The following DLG5 variants were observed in gnomAD, a reference collection of about 807,000 sequenced individuals.
DLG5 encodes disks large homolog 5.
Under a neutral mutation model 189.8 loss-of-function variants are expected in DLG5, and 48 were observed. That is an observed-to-expected ratio of 0.25 (90% CI 0.20 to 0.32). The LOEUF (loss-of-function observed/expected upper bound fraction) is 0.32, where lower values mean the gene tolerates loss of function less well. Among genes scored for constraint, DLG5 ranks in the 10% least tolerant of loss-of-function variants. The probability of loss-of-function intolerance (pLI) is 1.00; values close to 1 mark genes in which losing one functional copy is unlikely to be tolerated. For synonymous variants in DLG5, 1,016 were observed against 1,054.1 expected (o/e 0.96, Z 0.70); for missense variants, 2,160 against 2,544.7 (o/e 0.85, Z 3.25).
intron 31 of DLG5, 121 bp from the exon 32 acceptor site, chr10:77,792,664 C>A: frequency 1.2e-6 from 1 of 848,478 alleles, no homozygotes; most frequent in Non-Finnish European, 1.9e-6. Flanking sequence ...CCTTGGCACT[C>A]TGCTCCATCC....
intron 1 of DLG5, among the ~76,000 whole-genome samples, chr10:77,882,796 G>A (rs1037541049): frequency 1.3e-5 from 2 of 150,714 alleles, no homozygotes; most frequent in East Asian, 2.0e-4. Flanking sequence ...GGTGGTGCAC[G>A]TCTGTAATGC....
intron 1 of DLG5, among the ~76,000 whole-genome samples, chr10:77,899,363 C>T (rs140914117): frequency 2.4e-3 from 366 of 152,354 alleles, no homozygotes; most frequent in Non-Finnish European, 4.2e-3. Context: ...TTCTCCACCC[C>T]AGTACAATGG....
intron 19 of DLG5, 62 bp from the exon 20 acceptor site, chr10:77,816,763 C>A: frequency 6.4e-7 from 1 of 1,561,660 alleles, no homozygotes; most frequent in Non-Finnish European, 8.7e-7. Flanking sequence ...ACAGCCAAGA[C>A]CAAGAGGCAG....
In DLG5 at chr10:77,792,124, C is replaced by T. The variant is rs907088044; in HGVS notation, c.*316G>A. 16 of 362,460 alleles carry T rather than the reference C, an allele frequency of 4.4e-5. No homozygotes were observed. The highest frequency in any genetic ancestry group is 4.3e-4 in the South Asian group (9 of 21,122). 22.5% of individuals were successfully genotyped at this position (362,460 alleles called of 1,614,324 possible). A position where few individuals can be genotyped will look rare whatever the true frequency, so the allele number is the denominator to read the frequency against. ...CAAATACTTAGAAAAGGCTTGTAAA[C>T]GAGTGATCCGAAAGGTTCTCTTTGC... On this transcript the variant is annotated 3_prime_UTR_variant, in exon 32 of 32. Transcript: ENST00000372391.
At chr10:77,828,653 G>A (rs537502776) in intron 13 of DLG5, among the ~76,000 whole-genome samples, 149 of 152,178 alleles carry the variant, frequency 9.8e-4, no homozygotes, top group African/African-American at 3.5e-3. Flanking sequence ...GTTATCTACA[G>A]GTGGTAGCAA....
chr10:77,879,282 G>A (rs1175328167), intron 1 of DLG5, among the ~76,000 whole-genome samples: 6 of 152,072 alleles, frequency 3.9e-5, no homozygotes, highest in African/African-American at 1.4e-4. Context: ...ACCCCATGCG[G>A]GGAGACCTGT....
In DLG5 at chr10:77,856,722, A is replaced by C; in HGVS notation, c.536+8T>G. 1.2e-6 allele frequency: 2 copies of C among 1,611,380 alleles called. No homozygotes were observed. Among genetic ancestry groups the C allele is most frequent in the Non-Finnish European group, 1.7e-6 (2 of 1,178,514 alleles). On this transcript the variant is annotated splice_region_variant and intron_variant, in intron 3 of 31. Transcript: ENST00000372391. Reference sequence around the variant, plus strand: ...GGGCCTGGGCAGGGGAGACGGCGCAATTACTACCTCTTGTCAAAGGCCGTG... The same window carrying C: ...GGGCCTGGGCAGGGGAGACGGCGCACTTACTACCTCTTGTCAAAGGCCGTG...
Position 77,807,781 on chromosome 10 carries a change from C to T in DLG5, c.4796+15G>A, listed in dbSNP as rs763170347. ...CTGGTTCCAAATCTCCCACCGATTC[C>T]CCAGCCACTGGTACCTGATGTAGAA... On this transcript the variant is annotated intron_variant, in intron 25 of 31. Coordinates refer to ENST00000372391, the MANE Select transcript of DLG5 (RefSeq NM_004747.4). 1 of 1,609,192 alleles carries T rather than the reference C, an allele frequency of 6.2e-7. No individual in the cohort carries two copies. The highest frequency in any genetic ancestry group is 1.1e-5 in the South Asian group (1 of 90,682).
Position 77,796,407 on chromosome 10 carries a change from G to C in DLG5, c.5308+44C>G, listed in dbSNP as rs187952381. 1.2e-4 allele frequency: 187 copies of C among 1,613,778 alleles called. No homozygotes were observed. Among genetic ancestry groups the C allele is most frequent in the Non-Finnish European group, 1.5e-4 (180 of 1,179,892 alleles). On this transcript the variant is annotated intron_variant, in intron 28 of 31. Coordinates refer to ENST00000372391, the MANE Select transcript of DLG5 (RefSeq NM_004747.4). The surrounding 1 kb of genome is among the most constrained non-coding windows in gnomAD (Gnocchi z 5.2). ...GCAGGCAGGTGGACAGGGACATAGA[G>C]ACAAAGAGCCCAGTAGGCACAGAGG...
Position 77,796,159 on chromosome 10 carries a change from C to T in DLG5, c.5338G>A (p.Glu1780Lys). The change falls in exon 29 of 32, where the codon GAG becomes AAG. Residue 1780 changes from glutamate to lysine, a missense_variant. By Grantham distance (56) the Glu-to-Lys change is moderately conservative. Transcript: ENST00000372391. The surrounding 1 kb of genome is among the most constrained non-coding windows in gnomAD (Gnocchi z 5.2). ...AACAGGCAATCTTTGACACCCCGCTCAATGGCCTGCTGGGAGGCCTTCATC... is the reference window on the plus strand; with the variant it reads ...AACAGGCAATCTTTGACACCCCGCTTAATGGCCTGCTGGGAGGCCTTCATC... ...EVMKASQQAI[E>K]RGVKDCLFVD... is the part of the protein sequence containing the mutation. 1 of 1,614,192 alleles carries T rather than the reference C, an allele frequency of 6.2e-7. No homozygotes were observed. The highest frequency in any genetic ancestry group is 8.5e-7 in the Non-Finnish European group (1 of 1,180,034).
chr10:77,871,600 T>C (rs1405243945), intron 1 of DLG5, among the ~76,000 whole-genome samples: 2 of 133,644 alleles, frequency 1.5e-5, no homozygotes, highest in Non-Finnish European at 3.1e-5. Flanking sequence ...TGGAGTGCAA[T>C]GGCGCGATCT....
the DLG5 span, among the ~76,000 whole-genome samples, chr10:77,932,936 A>G: frequency 6.6e-6 from 1 of 152,214 alleles, no homozygotes. Context: ...CTCTGCCTCT[A>G]AAATATGTTC....
chr10:77,810,924 G>A (rs1603641187), intron 23 of DLG5, among the ~76,000 whole-genome samples, 170 bp downstream of exon 23: 1 of 152,230 alleles, frequency 6.6e-6, no homozygotes, highest in Non-Finnish European at 1.5e-5. Flanking sequence ...AAAAGAGAGA[G>A]TAGGGAAGGA....
intron 5 of DLG5, among the ~76,000 whole-genome samples, chr10:77,846,533 C>G (rs1214450476): frequency 6.6e-6 from 1 of 151,930 alleles, no homozygotes; most frequent in Non-Finnish European, 1.5e-5. Context: ...CCTGTCTCTA[C>G]TAAAAATACA....
chr10:77,940,619 T>A, the DLG5 span, among the ~76,000 whole-genome samples: 6 of 152,038 alleles, frequency 3.9e-5, no homozygotes, highest in Admixed American at 6.6e-5. Flanking sequence ...CCCAGTTCCT[T>A]CATTTTTTCA....
Position 77,792,498 on chromosome 10 carries a change from A to G in DLG5, c.5702T>C (p.Leu1901Ser), listed in dbSNP as rs772265186. 1 of 1,614,216 alleles carries G rather than the reference A, an allele frequency of 6.2e-7. No individual in the cohort carries two copies. The highest frequency in any genetic ancestry group is 2.2e-5 in the East Asian group (1 of 44,884). The change falls in exon 32 of 32, where the codon TTG becomes TCG. Residue 1901 changes from leucine (L) to serine (S), a missense_variant. By Grantham distance (145) the Leu-to-Ser change is moderately radical. This residue lies in a region of DLG5 where 574 missense variants were observed against 644.2 expected (regional missense o/e 0.89). Transcript: ENST00000372391. Reference protein sequence around the residue: ...GALSSICTQILAMVNQEQNKV... With the variant: ...GALSSICTQISAMVNQEQNKV... Reference sequence around the variant, plus strand: ...ATTTTGTTCTTGATTGACCATTGCCAAGATCTGAGTGCAAATGCTTGACAG... The same window carrying G: ...ATTTTGTTCTTGATTGACCATTGCCGAGATCTGAGTGCAAATGCTTGACAG...
chr10:77,795,659 G>A (rs1331795930), intron 29 of DLG5, among the ~76,000 whole-genome samples: 1 of 152,046 alleles, frequency 6.6e-6, no homozygotes, highest in African/African-American at 2.4e-5. Context: ...CCCTTTTAGG[G>A]GCAGGGACCC....
chr10:77,932,213 C>A, the DLG5 span, among the ~76,000 whole-genome samples: 1 of 152,204 alleles, frequency 6.6e-6, no homozygotes, highest in Admixed American at 6.5e-5. Flanking sequence ...CAGCATGTAG[C>A]AACAGGTTTT....
chr10:77,920,574 G>C (rs532958186), intron 1 of DLG5, among the ~76,000 whole-genome samples: 1 of 152,278 alleles, frequency 6.6e-6, no homozygotes, highest in Admixed American at 6.5e-5. Context: ...TTACCCTGGG[G>C]TTCCACTGCT....
Sources: gnomAD v4.1 joint callset for allele counts (sites outside exome capture counted in the v4.1 genomes callset) on GRCh38, gnomAD v4.1.1 for gene constraint, gnomAD v4.1.1 regional missense constraint, Gnocchi (gnomAD v3.1) non-coding constraint, MANE v1.5 for transcripts, NCBI Gene and HGNC (gene_info 2026-07-23, HGNC 2026-07-21) for gene names.